The following GRAMD1B variants were observed in gnomAD, a reference collection of about 807,000 sequenced individuals.
GRAMD1B encodes GRAM domain containing 1B.
In GRAMD1B, 37 loss-of-function variants were observed where a neutral mutation model predicts 99.7. The observed-to-expected ratio is 0.37, with a 90% confidence interval of 0.29 to 0.49. GRAMD1B has a LOEUF of 0.49. GRAMD1B is among the 20% of genes least tolerant of loss of function. The pLI, the probability that GRAMD1B is intolerant of heterozygous loss-of-function variation, is 0.98. For missense variants in GRAMD1B, 888 were observed against 1,009.2 expected (o/e 0.88, Z 1.63); for synonymous variants, 427 against 387.6 (o/e 1.10, Z -1.19).
intron 2 of GRAMD1B, among the ~76,000 whole-genome samples, chr11:123,547,263 A>G (rs551938146): frequency 5.3e-5 from 8 of 152,364 alleles, no homozygotes; most frequent in Admixed American, 2.6e-4. Context: ...AGAAGGATCT[A>G]TAAAATAGAA....
At chr11:123,597,984 TA>T in intron 7 of GRAMD1B, 1 of 1,211,572 alleles carries the variant, frequency 8.3e-7, no homozygotes, top group Non-Finnish European at 1.2e-6. Flanking sequence ...TATGTCTTCT[TA>T]TTCACAGCAT....
chr11:123,599,145 T>C, intron 7 of GRAMD1B: 1 of 799,042 alleles, frequency 1.3e-6, no homozygotes, highest in Non-Finnish European at 2.3e-6. Context: ...CATTGCCACA[T>C]AGATCTCATT....
chr11:123,398,823 T>G (rs1468826335), intron 1 of GRAMD1B, among the ~76,000 whole-genome samples: 3 of 152,234 alleles, frequency 2.0e-5, no homozygotes, highest in Non-Finnish European at 4.4e-5. Context: ...TCAATGAGTT[T>G]AGGAATAAGT....
At chr11:123,538,644 A>T (rs1433612483) in intron 2 of GRAMD1B, among the ~76,000 whole-genome samples, 1 of 151,658 alleles carries the variant, frequency 6.6e-6, no homozygotes, top group Non-Finnish European at 1.5e-5. Context: ...TTTTTGAGAC[A>T]GAGTCTCACT....
chr11:123,526,223 G>C lies in GRAMD1B; in HGVS notation c.452+45330G>C. 9.2e-6 allele frequency: 14 copies of C among 1,529,780 alleles called. 1 individual carries two copies. The South Asian group carries it at 1.6e-4, about 18-fold the overall frequency. The allele number at this position is 1,529,780 out of a possible 1,614,324, so 94.8% of individuals were successfully genotyped here. On this transcript the variant is annotated intron_variant, in intron 2 of 19. Coordinates refer to ENST00000635736, the MANE Select transcript of GRAMD1B (RefSeq NM_001387025.1). ...TCCTCTTCTGCCTTTCTTCAGCCCT[G>C]TGCTCGCCCCAGCACCCTCAAGAGG... is the stretch of plus-strand genomic sequence containing the variant.
intron 1 of GRAMD1B, among the ~76,000 whole-genome samples, chr11:123,422,051 C>T (rs1053445655): frequency 6.6e-6 from 1 of 152,148 alleles, no homozygotes; most frequent in Admixed American, 6.5e-5. Context: ...GATTACCTAG[C>T]ATAACTCATC....
In GRAMD1B at chr11:123,492,892, A is replaced by ACACACACACACACACACG. The variant is rs946657451; in HGVS notation, c.452+12002_452+12003insACACACACACACACGCAC. On this transcript the variant is annotated intron_variant, in intron 2 of 19. Coordinates refer to ENST00000635736, the MANE Select transcript of GRAMD1B (RefSeq NM_001387025.1). The surrounding 1 kb of genome is among the most constrained non-coding windows in gnomAD (Gnocchi z 4.2). Reference sequence around the variant, plus strand: ...CACACACACACACACACACACACACACACGCATAGGCATAGATGCCTGTGA... The same window carrying ACACACACACACACACACG: ...CACACACACACACACACACACACACACACACACACACACACACGCACGCATAGGCATAGATGCCTGTGA... Among the ~76,000 whole-genome samples, 50 of 151,620 alleles carry ACACACACACACACACACG rather than the reference A, an allele frequency of 3.3e-4. No homozygotes were observed. Among genetic ancestry groups the ACACACACACACACACACG allele is most frequent in the African/African-American group, 9.5e-4 (39 of 41,106 alleles).
intron 2 of GRAMD1B, among the ~76,000 whole-genome samples, chr11:123,577,031 A>G (rs992173684): frequency 6.6e-6 from 1 of 152,268 alleles, no homozygotes; most frequent in African/African-American, 2.4e-5. Context: ...TTCAGGTATT[A>G]AATTCTATAT....
chr11:123,495,114 T>TAC (rs10695354), intron 2 of GRAMD1B, among the ~76,000 whole-genome samples: 42,474 of 148,488 alleles, frequency 0.29, 7,090 homozygotes, highest in East Asian at 0.51. Flanking sequence ...TATATATACA[T>TAC]ACACACACAC....
chr11:123,395,285 T>C (rs1947420038), intron 1 of GRAMD1B, among the ~76,000 whole-genome samples: 1 of 152,158 alleles, frequency 6.6e-6, no homozygotes, highest in Non-Finnish European at 1.5e-5. Context: ...AAAAGTGGCT[T>C]TCTTTCTCAG....
At chr11:123,581,026 G>T (rs1949301332) in intron 3 of GRAMD1B, among the ~76,000 whole-genome samples, 1 of 150,102 alleles carries the variant, frequency 6.7e-6, no homozygotes, top group South Asian at 2.1e-4. Flanking sequence ...CCTAGTCCCT[G>T]CCCCCCTACC....
chr11:123,560,074 C>CCG (rs1555072948), intron 2 of GRAMD1B, among the ~76,000 whole-genome samples: 25 of 151,576 alleles, frequency 1.6e-4, no homozygotes, highest in African/African-American at 5.8e-4. Flanking sequence ...AACCCCCCCC[C>CCG]CCGCAGCCCC....
intron 1 of GRAMD1B, among the ~76,000 whole-genome samples, chr11:123,366,818 G>A (rs577206715): frequency 5.9e-5 from 9 of 152,290 alleles, no homozygotes; most frequent in African/African-American, 2.2e-4. Context: ...AGGGTGTAAT[G>A]TGTTCTTACT....
chr11:123,599,270 A>G (rs1951659852), intron 7 of GRAMD1B: 1 of 738,348 alleles, frequency 1.4e-6, no homozygotes, highest in African/African-American at 1.7e-5. Flanking sequence ...CCTTATCATC[A>G]TACAAATCCC....
intron 2 of GRAMD1B, among the ~76,000 whole-genome samples, chr11:123,549,804 C>A (rs1157613033): frequency 1.3e-5 from 2 of 152,028 alleles, no homozygotes; most frequent in East Asian, 3.9e-4. Context: ...CTTTAAGAGT[C>A]AAGTGTATAT....
chr11:123,552,957 A>C (rs1220302772), intron 2 of GRAMD1B, among the ~76,000 whole-genome samples: 1 of 152,238 alleles, frequency 6.6e-6, no homozygotes, highest in African/African-American at 2.4e-5. Context: ...TCACTAGTCT[A>C]TGTTTTCTAA....
intron 17 of GRAMD1B, chr11:123,618,262 T>C: frequency 8.5e-7 from 1 of 1,170,828 alleles, no homozygotes; most frequent in Non-Finnish European, 1.3e-6. Context: ...CCAGGTTGAT[T>C]TTCAGTGCAG....
intron 1 of GRAMD1B, among the ~76,000 whole-genome samples, chr11:123,421,676 A>G (rs1948440666): frequency 6.6e-6 from 1 of 152,246 alleles, no homozygotes; most frequent in Non-Finnish European, 1.5e-5. Context: ...GACAGAATTA[A>G]TATATCTTCC....
chr11:123,418,248 G>C (rs967154296), intron 1 of GRAMD1B, among the ~76,000 whole-genome samples: 5 of 152,172 alleles, frequency 3.3e-5, no homozygotes, highest in Admixed American at 2.6e-4. Flanking sequence ...TATTTTTCTG[G>C]AGAGCTGGGC....
Sources: allele counts gnomAD v4.1 joint callset (sites outside exome capture counted in the v4.1 genomes callset), GRCh38; gene constraint gnomAD v4.1.1; non-coding constraint Gnocchi (gnomAD v3.1); transcripts MANE v1.5; gene names NCBI Gene and HGNC (gene_info 2026-07-23, HGNC 2026-07-21).